SCN8A: variants seen among roughly 807,000 people sequenced by gnomAD.
The protein encoded by SCN8A is sodium channel protein type 8 subunit alpha.
Under a neutral mutation model 184.1 loss-of-function variants are expected in SCN8A, and 30 were observed. That is an observed-to-expected ratio of 0.16 (90% CI 0.12 to 0.22). SCN8A has a LOEUF of 0.22. SCN8A is among the 10% of genes least tolerant of loss of function. The pLI is 1.00. For missense variants in SCN8A, 1,057 were observed against 2,498.9 expected, an observed-to-expected ratio of 0.42 and a Z score of 12.30; for synonymous variants, 852 against 907.0, an observed-to-expected ratio of 0.94 and a Z score of 1.09.
At chr12:51,780,574 T>TTTTTTTTG (rs1937879795) in intron 20 of SCN8A, 75 bp from the exon 21 acceptor site, 1 of 239,354 alleles carries the variant, frequency 4.2e-6, no homozygotes, top group Non-Finnish European at 7.2e-6. Flanking sequence ...TCTTTTTTTT[T>TTTTTTTTG]TTTTTTTTTT....
chr12:51,705,679 C>T lies in SCN8A; in HGVS notation c.1341+56C>T, dbSNP rs991598247. The stretch of plus-strand genomic sequence containing the variant: ...CCTGCCAGATCATGGTGACTAAGAC[C>T]CCATCTGATTTTCACTGCAGTTGAT... On this transcript the variant is annotated intron_variant, in intron 10 of 26. Coordinates refer to ENST00000627620, the MANE Select transcript of SCN8A (RefSeq NM_001330260.2). 5.0e-5 allele frequency: 74 copies of T among 1,470,084 alleles called. No homozygotes were observed. In the Middle Eastern group the frequency reaches 5.6e-4, roughly 11 times the overall value. 91.1% of individuals were successfully genotyped at this position (1,470,084 alleles called of 1,614,324 possible).
chr12:51,804,519 T>C (rs1938642810), intron 26 of SCN8A, among the ~76,000 whole-genome samples: 1 of 150,224 alleles, frequency 6.7e-6, no homozygotes, highest in South Asian at 2.1e-4. Context: ...AGATGGAGTC[T>C]CACTCTGTCG....
chr12:51,768,737 G>C, intron 16 of SCN8A, 128 bp from the exon 17 acceptor site: 1 of 699,416 alleles, frequency 1.4e-6, no homozygotes, highest in East Asian at 2.8e-5. Context: ...TACTACGTGG[G>C]CCAAACACAA....
chr12:51,807,598 C>A lies in SCN8A; in HGVS notation c.*169C>A. 1.3e-6 allele frequency: 1 copy of A among 744,166 alleles called. No homozygotes were observed. Among genetic ancestry groups the A allele is most frequent in the South Asian group, 1.8e-5 (1 of 54,216 alleles). The allele number at this position is 744,166 out of a possible 1,614,324, so 46.1% of individuals were successfully genotyped here. A position where few individuals can be genotyped will look rare whatever the true frequency, so the allele number is the denominator to read the frequency against. ...AACACAGCTGCATCTTGAGCAGTGA[C>A]CTGCCAAGGGCAAAGGACCCCGCTC... On this transcript the variant is annotated 3_prime_UTR_variant, in exon 27 of 27. Transcript: ENST00000627620. This position sits in a 1 kb window ranked among gnomAD's most constrained non-coding sequence, Gnocchi z 4.5.
chr12:51,717,990 A>C lies in SCN8A; in HGVS notation c.1636-3556A>C, dbSNP rs143530141. 1.4e-3 allele frequency among the ~76,000 whole-genome samples: 220 copies of C among 152,338 alleles called. 1 individual carries two copies. The highest frequency in any genetic ancestry group is 2.3e-3 in the Non-Finnish European group (159 of 68,026). On this transcript the variant is annotated intron_variant, in intron 11 of 26. Coordinates refer to ENST00000627620, the MANE Select transcript of SCN8A (RefSeq NM_001330260.2). ...AGGAAAAGCCTACATAACACGTGAA[A>C]GATACAGGTGAGAGCATGGAATAAT...
chr12:51,602,811 A>G (rs574715327), intron 1 of SCN8A, among the ~76,000 whole-genome samples: 1 of 152,132 alleles, frequency 6.6e-6, no homozygotes, highest in East Asian at 1.9e-4. Flanking sequence ...CTAGTGGGAG[A>G]CCTATTCCTA....
At chr12:51,691,388 G>A (rs1036834236) in intron 6 of SCN8A, among the ~76,000 whole-genome samples, 1 of 151,758 alleles carries the variant, frequency 6.6e-6, no homozygotes, top group Non-Finnish European at 1.5e-5. Context: ...TTGGTGTCAC[G>A]TTATTTATTC....
intron 1 of SCN8A, among the ~76,000 whole-genome samples, chr12:51,658,865 G>C (rs549148480): frequency 1.6e-4 from 25 of 152,210 alleles, no homozygotes; most frequent in Admixed American, 1.6e-3. Flanking sequence ...GTAAAATTCA[G>C]AAGACTGTCA....
At chr12:51,745,154 G>A (rs1942489589) in intron 12 of SCN8A, among the ~76,000 whole-genome samples, 1 of 152,168 alleles carries the variant, frequency 6.6e-6, no homozygotes, top group South Asian at 2.1e-4. Flanking sequence ...TGTCCAGGGT[G>A]GAGCATGTAA....
At chr12:51,597,759 T>G (rs1255861606) in intron 1 of SCN8A, among the ~76,000 whole-genome samples, 2 of 152,134 alleles carry the variant, frequency 1.3e-5, no homozygotes, top group Admixed American at 6.6e-5. Context: ...TAAATAGCAT[T>G]TTTCTTTCAT....
chr12:51,609,153 C>A (rs548362583), intron 1 of SCN8A, among the ~76,000 whole-genome samples: 1 of 152,288 alleles, frequency 6.6e-6, no homozygotes, highest in South Asian at 2.1e-4. Context: ...TATGGCCCAT[C>A]ATATGGTCTC....
Position 51,802,607 on chromosome 12 carries a change from G to A in SCN8A, c.4796-3675G>A, listed in dbSNP as rs567221051. Among the ~76,000 whole-genome samples the A allele has an allele frequency of 1.6e-4, 24 of 152,328 alleles. No individual in the cohort carries two copies. The South Asian group carries it at 4.8e-3, about 30-fold the overall frequency. ...CTCAGGGAAATCTTAGAAGACTTGA[G>A]GCTCAGTATGTGCTCTGGAGCTGGG... is the stretch of plus-strand genomic sequence containing the variant. On this transcript the variant is annotated intron_variant, in intron 26 of 26. Coordinates refer to ENST00000627620, the MANE Select transcript of SCN8A (RefSeq NM_001330260.2).
At chr12:51,791,366 C>T (rs892091035) in intron 25 of SCN8A, among the ~76,000 whole-genome samples, 36 of 152,134 alleles carry the variant, frequency 2.4e-4, no homozygotes, top group African/African-American at 7.7e-4. Flanking sequence ...GTACATCTAC[C>T]GCATCAACTT....
At chr12:51,747,863 T>TA (rs33937617) in intron 13 of SCN8A, among the ~76,000 whole-genome samples, 124,145 of 148,796 alleles carry the variant, frequency 0.83, 51,889 homozygotes, top group East Asian at 0.97. Flanking sequence ...TCACACACAT[T>TA]AAAAAAAAAA....
chr12:51,655,035 G>A (rs943994006), intron 1 of SCN8A, among the ~76,000 whole-genome samples: 1 of 152,044 alleles, frequency 6.6e-6, no homozygotes, highest in East Asian at 1.9e-4. Context: ...AAGTAGTTTG[G>A]ATTACAGGCA....
chr12:51,630,840 A>G (rs1940181738), intron 1 of SCN8A, among the ~76,000 whole-genome samples: 2 of 152,146 alleles, frequency 1.3e-5, no homozygotes, highest in South Asian at 2.1e-4. Flanking sequence ...TTTCCAATCA[A>G]TGTTCTCTGA....
chr12:51,805,735 AAAC>A (rs1202893569), intron 26 of SCN8A, among the ~76,000 whole-genome samples: 3 of 152,192 alleles, frequency 2.0e-5, no homozygotes, highest in South Asian at 2.1e-4. Context: ...TCAAAACAAA[AAAC>A]AACAACATCA....
chr12:51,802,348 C>CA (rs1156606756), intron 26 of SCN8A, among the ~76,000 whole-genome samples: 1 of 152,088 alleles, frequency 6.6e-6, no homozygotes, highest in East Asian at 1.9e-4. Flanking sequence ...TTTTCTCTGG[C>CA]AAAAAAGGCT....
chr12:51,804,795 C>T (rs146013004), intron 26 of SCN8A, among the ~76,000 whole-genome samples: 14 of 152,266 alleles, frequency 9.2e-5, no homozygotes, highest in East Asian at 5.8e-4. Context: ...TTCTGATTCA[C>T]GACTTGCAGC....
Sources: gnomAD v4.1 joint callset for allele counts (sites outside exome capture counted in the v4.1 genomes callset) on GRCh38, gnomAD v4.1.1 for gene constraint, Gnocchi (gnomAD v3.1) non-coding constraint, MANE v1.5 for transcripts, NCBI Gene and HGNC (gene_info 2026-07-23, HGNC 2026-07-21) for gene names.